Variants in CDC40 observed in about 807,000 individuals in gnomAD.
CDC40 encodes pre-mRNA-processing factor 17.
Under a neutral mutation model 80.6 loss-of-function variants are expected in CDC40, and 27 were observed. That is an observed-to-expected ratio of 0.33 (90% CI 0.25 to 0.46). The LOEUF (loss-of-function observed/expected upper bound fraction) is 0.46. Ranked by LOEUF, CDC40 falls within the 20% of genes least tolerant of loss-of-function variation. The probability of loss-of-function intolerance (pLI) is 1.00; values close to 1 mark genes in which losing one functional copy is unlikely to be tolerated. For synonymous variants in CDC40, 221 were observed against 232.6 expected (o/e 0.95, Z 0.45); for missense variants, 486 against 694.1 (o/e 0.70, Z 3.37).
At chr6:110,184,132 A>G (rs1777235058) in intron 1 of CDC40, among the ~76,000 whole-genome samples, 1 of 152,344 alleles carries the variant, frequency 6.6e-6, no homozygotes, top group African/African-American at 2.4e-5. Flanking sequence ...CATTTAAGTC[A>G]TTAATCCATA....
Position 110,217,731 on chromosome 6 carries a change from T to C in CDC40, c.1018T>C (p.Phe340Leu), listed in dbSNP as rs1386685098. 2 of 1,603,464 alleles carry C rather than the reference T, an allele frequency of 1.2e-6. No homozygotes were observed. Among genetic ancestry groups the C allele is most frequent in the Admixed American group, 3.3e-5 (2 of 59,974 alleles). The change falls in exon 10 of 15, where the codon TTC (phenylalanine) becomes CTC (leucine). Residue 340 changes from phenylalanine (F) to leucine (L), a missense_variant. Transcript: ENST00000307731. ...CAGTAAGGCTGTTAGGGATATCTGC[T>C]TCAATACTGCAGGAACACAGTTCCT... ...GHSKAVRDIC[F>L]NTAGTQFLSA...
At chr6:110,191,052 G>C (rs1404765745) in intron 1 of CDC40, among the ~76,000 whole-genome samples, 1 of 152,186 alleles carries the variant, frequency 6.6e-6, no homozygotes, top group Non-Finnish European at 1.5e-5. Context: ...TTAGAGAGGA[G>C]AGAAGCTCAA....
At chr6:110,186,819 G>C (rs184912942) in intron 1 of CDC40, among the ~76,000 whole-genome samples, 143 of 152,056 alleles carry the variant, frequency 9.4e-4, no homozygotes, top group African/African-American at 3.4e-3. Flanking sequence ...TTCTTTAATT[G>C]TGGATCAATT....
At position 110,201,151 on chromosome 6, in the gene CDC40, T is replaced by A. The variant is rs540876969; in HGVS notation, c.277-407T>A. On this transcript the variant is annotated intron_variant, in intron 2 of 14. Coordinates refer to ENST00000307731, the MANE Select transcript of CDC40 (RefSeq NM_015891.3). ...AGAAACATGTAGTTTTTAAAAAAAATTATATGACAGTACCACTGTTGATAT... is the reference window on the plus strand; with the variant it reads ...AGAAACATGTAGTTTTTAAAAAAAAATATATGACAGTACCACTGTTGATAT... Among the ~76,000 whole-genome samples, 4 of 152,270 alleles carry A rather than the reference T, an allele frequency of 2.6e-5. No individual in the cohort carries two copies. The East Asian group carries it at 7.7e-4, about 29-fold the overall frequency.
Position 110,228,857 on chromosome 6 carries a change from G to A in CDC40, c.1443G>A (p.Met481Ile). 1 of 1,593,976 alleles carries A rather than the reference G, an allele frequency of 6.3e-7. No individual in the cohort carries two copies. Among genetic ancestry groups the A allele is most frequent in the Non-Finnish European group, 8.5e-7 (1 of 1,174,418 alleles). The change falls in exon 14 of 15, where the codon ATG (methionine) becomes ATA (isoleucine). Residue 481 changes from methionine to isoleucine, a missense_variant. By Grantham distance (10) the Met-to-Ile change is conservative. Coordinates refer to ENST00000307731, the MANE Select transcript of CDC40 (RefSeq NM_015891.3). ...GAAAATGGCTAGCATGCCAATCAAT[G>A]GACAACCAAATCTTAATTTTTGGAG... is the stretch of plus-strand genomic sequence containing the variant. ...PNGKWLACQS[M>I]DNQILIFGAQ...
rs1259867862 is a variant in CDC40, at chr6:110,220,484, G to T, written c.1340+615G>T. ...TTTTTTTTTGAGACGGATTCTTGCT[G>T]TGCCACCCAGGCTGCAGTGGCGCAA... On this transcript the variant is annotated intron_variant, in intron 12 of 14. Transcript: ENST00000307731. 6.1e-5 allele frequency among the ~76,000 whole-genome samples: 7 copies of T among 113,964 alleles called. 1 individual carries two copies. In the South Asian group the frequency reaches 1.4e-3, roughly 23 times the overall value. 74.8% of individuals were successfully genotyped at this position (113,964 alleles called of 152,430 possible). A position where few individuals can be genotyped will look rare whatever the true frequency, so the allele number is the denominator to read the frequency against.
At chr6:110,229,116 C>A in intron 14 of CDC40, 140 bp downstream of exon 14, 1 of 814,922 alleles carries the variant, frequency 1.2e-6, no homozygotes, top group Non-Finnish European at 1.9e-6. Flanking sequence ...TGTCAAAATG[C>A]TGGATATAAA....
intron 5 of CDC40, among the ~76,000 whole-genome samples, chr6:110,209,702 A>G (rs138521901): frequency 0.013 from 1,982 of 152,208 alleles, 50 homozygotes; most frequent in African/African-American, 0.045. Flanking sequence ...TCACCTCCTA[A>G]TCTCACTGTC....
intron 12 of CDC40, among the ~76,000 whole-genome samples, chr6:110,224,844 C>T (rs761323174): frequency 2.6e-5 from 4 of 152,184 alleles, no homozygotes; most frequent in Non-Finnish European, 4.4e-5. Flanking sequence ...CTTTTGTTAA[C>T]ACATTGATCA....
chr6:110,226,603 G>C (rs1777864366), intron 13 of CDC40, among the ~76,000 whole-genome samples: 1 of 150,366 alleles, frequency 6.7e-6, no homozygotes, highest in Non-Finnish European at 1.5e-5. Flanking sequence ...TTTCGAGACA[G>C]GGTCTCCCTT....
chr6:110,215,478 T>C, intron 9 of CDC40, 147 bp downstream of exon 9: 1 of 697,140 alleles, frequency 1.4e-6, no homozygotes, highest in Non-Finnish European at 2.4e-6. Flanking sequence ...TGTCCCCAGT[T>C]AGACAAAGAA....
At chr6:110,189,174 T>C (rs1777313512) in intron 1 of CDC40, among the ~76,000 whole-genome samples, 1 of 152,254 alleles carries the variant, frequency 6.6e-6, no homozygotes, top group South Asian at 2.1e-4. Flanking sequence ...CTGCTAACAC[T>C]TAACCTCACA....
chr6:110,228,981 G>A lies in CDC40; in HGVS notation c.1562+5G>A. 1 of 1,596,382 alleles carries A rather than the reference G, an allele frequency of 6.3e-7. No individual in the cohort carries two copies. Among genetic ancestry groups the A allele is most frequent in the Non-Finnish European group, 8.5e-7 (1 of 1,173,350 alleles). ...GGACTTTTCACCAGACATGAGGTAA[G>A]TTTAAATCTTCTAATCCATTCTCGT... On this transcript the variant is annotated splice_donor_5th_base_variant and intron_variant, in intron 14 of 14. Transcript: ENST00000307731.
chr6:110,204,258 C>T (rs954739112), intron 3 of CDC40, among the ~76,000 whole-genome samples: 3 of 152,066 alleles, frequency 2.0e-5, no homozygotes, highest in Admixed American at 6.6e-5. Context: ...GTGATCCACC[C>T]GCCTCAGCCT....
At position 110,180,728 on chromosome 6, in the gene CDC40, GTGCTCAGAGATAAGT is replaced by G. The variant is rs1777173112; in HGVS notation, c.189+100_189+114del. The G allele has an allele frequency of 7.4e-5, 62 of 841,482 alleles. No homozygotes were observed. In the South Asian group the frequency reaches 9.5e-4, roughly 13 times the overall value. The allele number at this position is 841,482 out of a possible 1,614,324, so 52.1% of individuals were successfully genotyped here. ...TAGGTACCGGGTTACCTCTTTCTCA[GTGCTCAGAGATAAGT>G]TGCTAACGTTTGAATTTCTTCTCCT... On this transcript the variant is annotated intron_variant, in intron 1 of 14. Coordinates refer to ENST00000307731, the MANE Select transcript of CDC40 (RefSeq NM_015891.3).
At chr6:110,198,954 A>G (rs4509164) in intron 2 of CDC40, 42,256 of 151,998 alleles carry the variant, frequency 0.28, 8,487 homozygotes, top group African/African-American at 0.57. Context: ...ACAGCTGAGA[A>G]ACCTATCTTG....
chr6:110,205,955 C>T (rs1050043562), intron 3 of CDC40, among the ~76,000 whole-genome samples: 2 of 152,154 alleles, frequency 1.3e-5, no homozygotes, highest in African/African-American at 4.8e-5. Context: ...GCTCTCTCCT[C>T]TGGTTAAGAA....
chr6:110,194,818 G>A (rs991456249), intron 2 of CDC40, among the ~76,000 whole-genome samples: 5 of 152,080 alleles, frequency 3.3e-5, no homozygotes, highest in African/African-American at 1.2e-4. Context: ...TTTCTCTGAA[G>A]CCTGCTTTTT....
In CDC40 at chr6:110,219,951, A is replaced by T. The variant is rs1584081196; in HGVS notation, c.1340+82A>T. On this transcript the variant is annotated intron_variant, in intron 12 of 14. Transcript: ENST00000307731. ...ATAGACAAAGATGAAGCCTGATAAT[A>T]TGCAACCATTTGAATATTTTTTGCA... 1.3e-5 allele frequency: 17 copies of T among 1,311,400 alleles called. No homozygotes were observed. In the East Asian group the frequency reaches 4.0e-4, roughly 31 times the overall value. 81.2% of individuals were successfully genotyped at this position (1,311,400 alleles called of 1,614,324 possible).
Sources: allele counts gnomAD v4.1 joint callset (sites outside exome capture counted in the v4.1 genomes callset), GRCh38; gene constraint gnomAD v4.1.1; transcripts MANE v1.5; gene names NCBI Gene and HGNC (gene_info 2026-07-23, HGNC 2026-07-21).